Variants in USP33 observed in about 807,000 individuals in gnomAD.
USP33 encodes ubiquitin carboxyl-terminal hydrolase 33.
A neutral mutation model predicts 124.2 loss-of-function variants in USP33; 46 were observed. The observed-to-expected ratio is 0.37, with a 90% CI of 0.29 to 0.47. The LOEUF (loss-of-function observed/expected upper bound fraction) is 0.47, where lower values mean the gene tolerates loss of function less well. USP33 is among the 20% of genes least tolerant of loss of function. The pLI is 0.99. For synonymous variants in USP33, 350 were observed against 352.3 expected, an observed-to-expected ratio of 0.99 and a Z score of 0.07; for missense variants, 851 against 1,070.6, an observed-to-expected ratio of 0.79 and a Z score of 2.86.
intron 12 of USP33, 115 bp downstream of exon 12, chr1:77,723,216 C>T (rs565306435): frequency 8.9e-5 from 71 of 800,100 alleles, no homozygotes; most frequent in South Asian, 8.7e-4. Context: ...ACAATAAATG[C>T]ATGTATGCTC....
At chr1:77,748,541 C>T (rs1024382248) in intron 1 of USP33, among the ~76,000 whole-genome samples, 16 of 151,892 alleles carry the variant, frequency 1.1e-4, no homozygotes, top group Non-Finnish European at 2.4e-4. Context: ...TGGTGGCAGG[C>T]GCCTGTAGTC....
chr1:77,703,662 C>A (rs1674290156), intron 21 of USP33, among the ~76,000 whole-genome samples: 2 of 152,110 alleles, frequency 1.3e-5, no homozygotes, highest in South Asian at 4.1e-4. Context: ...CCTGACTCCT[C>A]CCCCTCACCA....
intron 10 of USP33, among the ~76,000 whole-genome samples, chr1:77,726,694 A>C (rs1044770804): frequency 3.9e-5 from 6 of 152,158 alleles, no homozygotes. Context: ...AGAAGTTCTA[A>C]AACCATGTGA....
chr1:77,720,120 A>G (rs1292027009), intron 15 of USP33, among the ~76,000 whole-genome samples: 2 of 130,862 alleles, frequency 1.5e-5, no homozygotes, highest in East Asian at 5.2e-4. Flanking sequence ...TAATCATGCT[A>G]CTGAATCTTC....
At chr1:77,735,256 C>A (rs1480051060) in intron 6 of USP33, among the ~76,000 whole-genome samples, 2 of 152,090 alleles carry the variant, frequency 1.3e-5, no homozygotes, top group Non-Finnish European at 2.9e-5. Flanking sequence ...GTTATCTCTT[C>A]CATATATAGT....
At chr1:77,712,793 C>T (rs768979090) in intron 20 of USP33, among the ~76,000 whole-genome samples, 13 of 151,196 alleles carry the variant, frequency 8.6e-5, no homozygotes, top group Non-Finnish European at 1.8e-4. Flanking sequence ...AGGAGGTCGA[C>T]GCTGCAGTAA....
At chr1:77,737,092 C>T (rs1046603065) in intron 5 of USP33, among the ~76,000 whole-genome samples, 11 of 150,104 alleles carry the variant, frequency 7.3e-5, no homozygotes, top group Non-Finnish European at 1.3e-4. Context: ...AATTCGGAGA[C>T]GACAAATAAA....
chr1:77,714,419 T>C (rs545204613), intron 19 of USP33, among the ~76,000 whole-genome samples, 195 bp downstream of exon 19: 1 of 152,230 alleles, frequency 6.6e-6, no homozygotes, highest in South Asian at 2.1e-4. Context: ...ATATGTTCAA[T>C]AAAGAAGCTA....
chr1:77,717,904 A>G lies in USP33; in HGVS notation c.1881T>C (p.Asp627=). 6.2e-7 allele frequency: 1 copy of G among 1,613,098 alleles called. No individual in the cohort carries two copies. Among genetic ancestry groups the G allele is most frequent in the South Asian group, 1.1e-5 (1 of 90,698 alleles). The change falls in exon 17 of 24, where the codon GAT becomes GAC. Residue 627 remains aspartate (D), a synonymous_variant. Transcript: ENST00000370794. ...KDSPAQIVTY[D]LLSVICHHGT... is the part of the protein sequence containing the mutation. ...CATGATGGCAAATGACTGACAGAAG[A>G]TCATATGTCACAATTTGAGCTGGAC...
chr1:77,744,128 A>C (rs1478370243), intron 1 of USP33, among the ~76,000 whole-genome samples: 2 of 152,088 alleles, frequency 1.3e-5, no homozygotes, highest in Non-Finnish European at 2.9e-5. Context: ...GTCTCAAAAA[A>C]AAAAAAAAAA....
intron 15 of USP33, chr1:77,718,845 C>T (rs1221928846): frequency 4.6e-6 from 2 of 432,920 alleles, no homozygotes; most frequent in Non-Finnish European, 8.4e-6. Context: ...AGGAGAATCA[C>T]TTGAACCCGG....
In USP33 at chr1:77,704,697, A is replaced by G. The variant is rs114776634; in HGVS notation, c.2407-3226T>C. ...TTTATCTTTTTGTGCTTCACCTTAG[A>G]AGAAATCTTTCCGCTATATCTTTCA... On this transcript the variant is annotated intron_variant, in intron 21 of 23. Transcript: ENST00000370794. Among the ~76,000 whole-genome samples the G allele has an allele frequency of 7.0e-3, 1,073 of 152,302 alleles. 15 individuals are homozygous for G. Among genetic ancestry groups the G allele is most frequent in the African/African-American group, 0.024 (1,000 of 41,562 alleles).
At chr1:77,738,483 T>G (rs1678734068) in intron 5 of USP33, among the ~76,000 whole-genome samples, 1 of 152,084 alleles carries the variant, frequency 6.6e-6, no homozygotes, top group African/African-American at 2.4e-5. Flanking sequence ...AAAAATCTTT[T>G]TTTCTTTTTT....
At chr1:77,729,735 T>C (rs1677585066) in intron 9 of USP33, 125 bp downstream of exon 9, 1 of 816,522 alleles carries the variant, frequency 1.2e-6, no homozygotes, top group East Asian at 2.5e-5. Flanking sequence ...AAAGGGTTAC[T>C]ATTCTTGGCA....
chr1:77,701,439 T>TG lies in USP33; in HGVS notation c.2438dup (p.Ala814SerfsTer12). 6.2e-7 allele frequency: 1 copy of TG among 1,613,102 alleles called. No individual in the cohort carries two copies. The highest frequency in any genetic ancestry group is 8.5e-7 in the Non-Finnish European group (1 of 1,179,728). On this transcript the variant is annotated frameshift_variant, in exon 22 of 24. Coordinates refer to ENST00000370794, the MANE Select transcript of USP33 (RefSeq NM_201624.3). LOFTEE classifies it high-confidence loss of function. ...GCATACTGATGCAATAAAAAGTAGC[T>TG]GGAGAGTCCTCTTTTTGGAACGCTC...
chr1:77,743,788 C>A (rs977352253), intron 1 of USP33, among the ~76,000 whole-genome samples: 1 of 152,130 alleles, frequency 6.6e-6, no homozygotes, highest in African/African-American at 2.4e-5. Flanking sequence ...CCTCAATAAT[C>A]GGAAGAAATT....
intron 6 of USP33, 88 bp downstream of exon 6, chr1:77,735,968 C>T (rs1265016465): frequency 2.1e-6 from 2 of 960,314 alleles, no homozygotes; most frequent in Non-Finnish European, 2.9e-6. Context: ...GCCCATTTTA[C>T]CTCCACATTT....
At position 77,750,170 on chromosome 1, in the gene USP33, T is replaced by G. The variant is rs544000837; in HGVS notation, c.-51-8422A>C. Among the ~76,000 whole-genome samples the G allele has an allele frequency of 4.0e-5, 6 of 151,884 alleles. No homozygotes were observed. The South Asian group carries it at 1.2e-3, about 32-fold the overall frequency. ...CCTTCTTTACTAAAAATACAAAAAT[T>G]AGCCGTGCATAGTGGTGGGTGCCTG... On this transcript the variant is annotated intron_variant, in intron 1 of 23. Coordinates refer to ENST00000370794, the MANE Select transcript of USP33 (RefSeq NM_201624.3).
chr1:77,737,751 A>G (rs899281135), intron 5 of USP33, among the ~76,000 whole-genome samples: 1 of 152,332 alleles, frequency 6.6e-6, no homozygotes, highest in Non-Finnish European at 1.5e-5. Flanking sequence ...AACATTTATT[A>G]AAGTTTGTAA....
Sources: gnomAD v4.1 joint callset for allele counts (sites outside exome capture counted in the v4.1 genomes callset) on GRCh38, gnomAD v4.1.1 for gene constraint, MANE v1.5 for transcripts, NCBI Gene and HGNC (gene_info 2026-07-23, HGNC 2026-07-21) for gene names.